The following MECOM variants were observed in gnomAD, a reference collection of about 807,000 sequenced individuals.
The protein encoded by MECOM is MDS1 and EVI1 complex locus, also known as histone-lysine N-methyltransferase MECOM.
MECOM carries 13 observed loss-of-function variants against 116.3 expected under a neutral mutation model. That is an observed-to-expected ratio of 0.11 (90% CI 0.07 to 0.18). The LOEUF (loss-of-function observed/expected upper bound fraction) is 0.18. MECOM is among the 10% of genes least tolerant of loss of function. The pLI, the probability that MECOM is intolerant of heterozygous loss-of-function variation, is 1.00. For missense variants in MECOM, 1,299 were observed against 1,509.0 expected, an observed-to-expected ratio of 0.86 and a Z score of 2.31; for synonymous variants, 528 against 535.2, an observed-to-expected ratio of 0.99 and a Z score of 0.19.
chr3:169,350,006 A>T (rs186459926), intron 2 of MECOM, among the ~76,000 whole-genome samples: 41 of 152,120 alleles, frequency 2.7e-4, no homozygotes, highest in African/African-American at 9.6e-4. Context: ...ATTTATTTAT[A>T]AAAATATGAT....
At chr3:169,507,538 A>G (rs1755384896) in intron 1 of MECOM, among the ~76,000 whole-genome samples, 1 of 152,048 alleles carries the variant, frequency 6.6e-6, no homozygotes, top group African/African-American at 2.4e-5. Context: ...TAGGGAAGAA[A>G]AAGAGGGTTT....
At chr3:169,189,603 G>A (rs926542789) in intron 2 of MECOM, among the ~76,000 whole-genome samples, 6 of 152,004 alleles carry the variant, frequency 3.9e-5, no homozygotes, top group East Asian at 1.9e-4. Context: ...TGGTTAAAAC[G>A]TCTTACCTTT....
rs572512758 is a variant in MECOM, at chr3:169,386,156, C to G, written c.38-4632G>C. Among the ~76,000 whole-genome samples, 15 of 152,292 alleles carry G rather than the reference C, an allele frequency of 9.8e-5. No homozygotes were observed. In the East Asian group the frequency reaches 2.7e-3, roughly 27 times the overall value. ...TTTATTTATATGTGTCTTTGAATAA[C>G]TACCATAGGTTTCCACTTCAGAAGT... On this transcript the variant is annotated intron_variant, in intron 1 of 16. Transcript: ENST00000651503.
At chr3:169,213,370 A>G (rs1373995439) in intron 2 of MECOM, among the ~76,000 whole-genome samples, 2 of 152,188 alleles carry the variant, frequency 1.3e-5, no homozygotes, top group Non-Finnish European at 2.9e-5. Flanking sequence ...GGAATATATG[A>G]GAAATTAGAT....
chr3:169,354,206 C>T (rs1282507745), intron 2 of MECOM, among the ~76,000 whole-genome samples: 4 of 151,746 alleles, frequency 2.6e-5, no homozygotes, highest in Non-Finnish European at 5.9e-5. Context: ...AATCCTAACA[C>T]CAAAAATCTC....
chr3:169,540,927 A>G (rs1418494113), intron 1 of MECOM, among the ~76,000 whole-genome samples: 1 of 152,184 alleles, frequency 6.6e-6, no homozygotes, highest in Non-Finnish European at 1.5e-5. Flanking sequence ...AACCACTTTG[A>G]ACACATCTCT....
chr3:169,242,522 C>A (rs1236481728), intron 2 of MECOM, among the ~76,000 whole-genome samples: 3 of 152,126 alleles, frequency 2.0e-5, no homozygotes, highest in Non-Finnish European at 4.4e-5. Context: ...GAACCTCATC[C>A]CCTTGGTGCT....
chr3:169,092,867 A>T, intron 14 of MECOM, 91 bp downstream of exon 14: 1 of 1,466,004 alleles, frequency 6.8e-7, no homozygotes, highest in Non-Finnish European at 9.5e-7. Flanking sequence ...CTGAAGTAAT[A>T]GTAGTGCCAC....
At chr3:169,199,297 T>C (rs1748849951) in intron 2 of MECOM, among the ~76,000 whole-genome samples, 3 of 152,062 alleles carry the variant, frequency 2.0e-5, no homozygotes, top group South Asian at 2.1e-4. Context: ...GATTTCCTGA[T>C]GATAGAGGCC....
chr3:169,651,226 A>G (rs975272238), intron 1 of MECOM, among the ~76,000 whole-genome samples: 45 of 152,174 alleles, frequency 3.0e-4, no homozygotes, highest in Admixed American at 2.9e-3. Flanking sequence ...TCCTAAAGGG[A>G]TGCTGGATTT....
Position 169,564,875 on chromosome 3 carries a change from G to A in MECOM, c.37+98461C>T, listed in dbSNP as rs568409206. ...CTCACAGAGCCTTCCCCAATCCCAGGAGAAATTTATACATGAAGATCCTTC... is the reference window on the plus strand; with the variant it reads ...CTCACAGAGCCTTCCCCAATCCCAGAAGAAATTTATACATGAAGATCCTTC... On this transcript the variant is annotated intron_variant, in intron 1 of 16. Coordinates refer to ENST00000651503, the MANE Select transcript of MECOM (RefSeq NM_004991.4). 7.9e-5 allele frequency among the ~76,000 whole-genome samples: 12 copies of A among 152,288 alleles called. No homozygotes were observed. In the South Asian group the frequency reaches 2.5e-3, roughly 32 times the overall value.
intron 1 of MECOM, among the ~76,000 whole-genome samples, chr3:169,418,143 A>C (rs1024897422): frequency 1.3e-5 from 2 of 151,960 alleles, no homozygotes; most frequent in Non-Finnish European, 2.9e-5. Context: ...AAAAAAGAAA[A>C]TCTAGAAGAA....
chr3:169,421,670 T>C (rs1306090944), intron 1 of MECOM, among the ~76,000 whole-genome samples: 1 of 151,724 alleles, frequency 6.6e-6, no homozygotes, highest in Non-Finnish European at 1.5e-5. Context: ...CAATCACTTA[T>C]AGCATGTTTG....
intron 2 of MECOM, among the ~76,000 whole-genome samples, chr3:169,245,378 T>G (rs575276493): frequency 6.6e-6 from 1 of 152,256 alleles, no homozygotes; most frequent in South Asian, 2.1e-4. Context: ...AATAAAGAAA[T>G]TTAAAAACAT....
intron 2 of MECOM, among the ~76,000 whole-genome samples, chr3:169,324,631 C>T (rs940854957): frequency 6.6e-6 from 1 of 152,214 alleles, no homozygotes; most frequent in African/African-American, 2.4e-5. Context: ...GAAAGGGACT[C>T]GGTGCAGATC....
rs748166969 is a variant in MECOM, at chr3:169,433,639, G to GAGAAAGAAAGAAAGAAAGAA, written c.38-52135_38-52116dup. On this transcript the variant is annotated intron_variant, in intron 1 of 16. Coordinates refer to ENST00000651503, the MANE Select transcript of MECOM (RefSeq NM_004991.4). ...GAAGGAGAAAAGAAAGAAAGAGAAAGAGAAAGAAAGAAAGAAAGAAAGAAA... is the reference window on the plus strand; with the variant it reads ...GAAGGAGAAAAGAAAGAAAGAGAAAGAGAAAGAAAGAAAGAAAGAAAGAAAGAAAGAAAGAAAGAAAGAAA... Among the ~76,000 whole-genome samples, 397 of 127,038 alleles carry GAGAAAGAAAGAAAGAAAGAA rather than the reference G, an allele frequency of 3.1e-3. 3 individuals carry two copies. Among genetic ancestry groups the GAGAAAGAAAGAAAGAAAGAA allele is most frequent in the Non-Finnish European group, 3.8e-3 (235 of 61,116 alleles). The allele number at this position is 127,038 out of a possible 152,430, so 83.3% of individuals were successfully genotyped here. A position where few individuals can be genotyped will look rare whatever the true frequency, so the allele number is the denominator to read the frequency against.
intron 1 of MECOM, among the ~76,000 whole-genome samples, chr3:169,619,663 G>A (rs1181569238): frequency 6.6e-6 from 1 of 151,960 alleles, no homozygotes; most frequent in East Asian, 1.9e-4. Context: ...AACTGAAGAC[G>A]GTAAATCAAG....
intron 1 of MECOM, among the ~76,000 whole-genome samples, chr3:169,637,591 A>G (rs907422353): frequency 4.6e-5 from 7 of 152,196 alleles, no homozygotes; most frequent in Non-Finnish European, 1.0e-4. Context: ...GCTCTCTGGC[A>G]CTGTGTCCTA....
At chr3:169,213,075 TTTA>T (rs386668097) in intron 2 of MECOM, among the ~76,000 whole-genome samples, 4 of 146,850 alleles carry the variant, frequency 2.7e-5, no homozygotes, top group Non-Finnish European at 4.6e-5. Flanking sequence ...CTCTTTCTTT[TTTA>T]TTTTTTTTAA....
Sources: allele counts gnomAD v4.1 joint callset (sites outside exome capture counted in the v4.1 genomes callset), GRCh38; gene constraint gnomAD v4.1.1; transcripts MANE v1.5; gene names NCBI Gene and HGNC (gene_info 2026-07-23, HGNC 2026-07-21).